The following PREX1 variants were observed in gnomAD, a reference collection of about 807,000 sequenced individuals.
PREX1 encodes the protein phosphatidylinositol 3,4,5-trisphosphate-dependent Rac exchanger 1 protein.
A neutral mutation model predicts 198.3 loss-of-function variants in PREX1; 41 were observed. The ratio of observed to expected loss-of-function variants is 0.21; its 90% confidence interval spans 0.16 to 0.27. The LOEUF (loss-of-function observed/expected upper bound fraction) is 0.27, where lower values mean the gene tolerates loss of function less well. PREX1 is among the 10% of genes least tolerant of loss of function. The probability of loss-of-function intolerance (pLI) is 1.00; values close to 1 mark genes in which losing one functional copy is unlikely to be tolerated. For missense variants in PREX1, 1,620 were observed against 2,200.7 expected (o/e 0.74, Z 5.28); for synonymous variants, 843 against 887.2 (o/e 0.95, Z 0.89).
At chr20:48,836,015 A>C in the PREX1 span, among the ~76,000 whole-genome samples, 3 of 152,096 alleles carry the variant, frequency 2.0e-5, no homozygotes, top group Admixed American at 2.0e-4. Context: ...GGTGAAATAG[A>C]GTGAAATAGA....
chr20:48,812,316 T>C (rs1366703123), intron 1 of PREX1, among the ~76,000 whole-genome samples: 4 of 132,636 alleles, frequency 3.0e-5, no homozygotes, highest in African/African-American at 1.1e-4. Context: ...ATAAGAGGAA[T>C]GGGTAAATAA....
intron 1 of PREX1, among the ~76,000 whole-genome samples, chr20:48,749,707 G>A (rs2090125806): frequency 6.6e-6 from 1 of 152,202 alleles, no homozygotes; most frequent in South Asian, 2.1e-4. Context: ...GACACAGGAA[G>A]CAGCTTCGTC....
intron 16 of PREX1, among the ~76,000 whole-genome samples, chr20:48,659,383 G>T (rs2089572923): frequency 6.6e-6 from 1 of 151,866 alleles, no homozygotes; most frequent in Non-Finnish European, 1.5e-5. Flanking sequence ...GGAGGGGAGT[G>T]AGAGGTTTAA....
chr20:48,862,790 A>ATATATATATATAT, the PREX1 span, among the ~76,000 whole-genome samples: 50 of 102,536 alleles, frequency 4.9e-4, no homozygotes, highest in African/African-American at 2.0e-3. Context: ...TAAAAAAAAA[A>ATATATATATATAT]ATATATATAT....
At position 48,650,088 on chromosome 20, in the gene PREX1, A is replaced by G; in HGVS notation, c.2936T>C (p.Val979Ala). 6.2e-7 allele frequency: 1 copy of G among 1,614,196 alleles called. No individual in the cohort carries two copies. ...PTNCHINLME[V>A]SYPKTTPSVG... ...TGAGGGGGTGGTCTTGGGGTAGGAC[A>G]CTTCCATGAGGTTGATGTGGCAATT... Residue 979 changes from valine (V) to alanine (A), a missense_variant, in exon 24 of 40, where the codon GTG becomes GCG. Physicochemically the swap from Val to Ala is moderately conservative, Grantham distance 64. This residue lies in a region of PREX1 where 514 missense variants were observed against 611.6 expected (regional missense o/e 0.84). Transcript: ENST00000371941.
rs116894421 is a variant in PREX1, at chr20:48,733,774, C to T, written c.519+772G>A. On this transcript the variant is annotated intron_variant, in intron 4 of 39. Coordinates refer to ENST00000371941, the MANE Select transcript of PREX1 (RefSeq NM_020820.4). ...TTTTGTTTTTTGTTTTTTTTGAGGCCGAGTCTCATTCTGTCTCCCAGGTTG... is the reference window on the plus strand; with the variant it reads ...TTTTGTTTTTTGTTTTTTTTGAGGCTGAGTCTCATTCTGTCTCCCAGGTTG... 2.7e-3 allele frequency among the ~76,000 whole-genome samples: 409 copies of T among 150,908 alleles called. 4 individuals carry two copies. In the East Asian group the frequency reaches 0.042, roughly 16 times the overall value.
chr20:48,698,701 G>A (rs554328901), intron 7 of PREX1, among the ~76,000 whole-genome samples: 1 of 152,304 alleles, frequency 6.6e-6, no homozygotes, highest in East Asian at 1.9e-4. Flanking sequence ...CAGAACAGGG[G>A]GGAAAGGGCA....
intron 15 of PREX1, among the ~76,000 whole-genome samples, chr20:48,661,923 G>A (rs974916427): frequency 6.6e-4 from 100 of 152,290 alleles, no homozygotes; most frequent in African/African-American, 2.3e-3. Flanking sequence ...GGAAATCAAG[G>A]CTCGGAGAGG....
chr20:48,813,523 T>C (rs1218085705), intron 1 of PREX1, among the ~76,000 whole-genome samples: 1 of 152,206 alleles, frequency 6.6e-6, no homozygotes, highest in African/African-American at 2.4e-5. Context: ...CCTGATTTTG[T>C]TGTTGAAGGC....
At chr20:48,720,957 CAA>C (rs1195657331) in intron 5 of PREX1, among the ~76,000 whole-genome samples, 11 of 152,156 alleles carry the variant, frequency 7.2e-5, no homozygotes, top group Non-Finnish European at 1.3e-4. Context: ...AGCCACTCTG[CAA>C]AAAACCTCCC....
chr20:48,641,996 T>C (rs1402444837), intron 29 of PREX1, 172 bp downstream of exon 29: 1 of 618,260 alleles, frequency 1.6e-6, no homozygotes, highest in Non-Finnish European at 2.8e-6. Flanking sequence ...GCTCAGAGCC[T>C]ACAAAAACAG....
intron 7 of PREX1, among the ~76,000 whole-genome samples, chr20:48,697,539 C>A (rs371011720): frequency 3.9e-5 from 6 of 152,044 alleles, no homozygotes; most frequent in Admixed American, 6.6e-5. Flanking sequence ...TGCCACCACA[C>A]CTGGCTAATT....
intron 6 of PREX1, among the ~76,000 whole-genome samples, chr20:48,702,123 G>A (rs991883208): frequency 2.6e-5 from 4 of 151,148 alleles, no homozygotes; most frequent in African/African-American, 7.3e-5. Flanking sequence ...GCAGAGAATC[G>A]CTTGAACCCG....
At chr20:48,817,654 T>A (rs2090464736) in intron 1 of PREX1, among the ~76,000 whole-genome samples, 1 of 152,016 alleles carries the variant, frequency 6.6e-6, no homozygotes, top group African/African-American at 2.4e-5. Flanking sequence ...CTGTAAAAAA[T>A]TCTCCTGTGC....
Position 48,708,272 on chromosome 20 carries a change from G to C in PREX1, c.771C>G (p.Ile257Met), listed in dbSNP as rs751623625. 15 of 1,613,918 alleles carry C rather than the reference G, an allele frequency of 9.3e-6. No individual in the cohort carries two copies. Among genetic ancestry groups the C allele is most frequent in the South Asian group, 2.2e-5 (2 of 91,080 alleles). Residue 257 changes from isoleucine to methionine, a missense_variant, in exon 6 of 40, where the codon ATC becomes ATG. Physicochemically the swap from Ile to Met is conservative, Grantham distance 10. Transcript: ENST00000371941. ...GTCCTGTACACACCTCCCAGCCTTC[G>C]ATGTGGGACTGCAGCTGCTCCAGGG... ...LEALEQLQSH[I>M]EGWEGSNLTD... is the part of the protein sequence containing the mutation.
intron 1 of PREX1, among the ~76,000 whole-genome samples, chr20:48,819,886 G>A (rs576682748): frequency 6.6e-6 from 1 of 152,328 alleles, no homozygotes; most frequent in African/African-American, 2.4e-5. Flanking sequence ...AGCATCAACT[G>A]CCCACACCCT....
chr20:48,805,361 ACT>A (rs568313757), intron 1 of PREX1, among the ~76,000 whole-genome samples: 10 of 152,176 alleles, frequency 6.6e-5, no homozygotes, highest in Non-Finnish European at 1.3e-4. Flanking sequence ...ATCCAGGCTA[ACT>A]CAGCTGGCTG....
intron 3 of PREX1, among the ~76,000 whole-genome samples, chr20:48,738,397 C>T (rs981422197): frequency 6.6e-6 from 1 of 152,214 alleles, no homozygotes; most frequent in African/African-American, 2.4e-5. Flanking sequence ...GGGCCCAACG[C>T]TTGAGGCTTG....
In PREX1 at chr20:48,625,861, G is replaced by A; in HGVS notation, c.*24C>T. The A allele has an allele frequency of 6.4e-7, 1 of 1,553,348 alleles. No individual in the cohort carries two copies. The highest frequency in any genetic ancestry group is 1.4e-5 in the African/African-American group (1 of 71,722). On this transcript the variant is annotated 3_prime_UTR_variant, in exon 40 of 40. Transcript: ENST00000371941. ...CCAAATCCCAGCTCCAGAGGCCGCG[G>A]CCCAGCGTGGGGCATTTGGGTGTTC...
Sources: allele counts gnomAD v4.1 joint callset (sites outside exome capture counted in the v4.1 genomes callset), GRCh38; gene constraint gnomAD v4.1.1; regional missense constraint gnomAD v4.1.1; transcripts MANE v1.5; gene names NCBI Gene and HGNC (gene_info 2026-07-23, HGNC 2026-07-21).